The following SLC34A3 variants were observed in gnomAD, a reference collection of about 807,000 sequenced individuals.
The protein encoded by SLC34A3 is sodium-dependent phosphate transport protein 2C.
Under a neutral mutation model 43.9 loss-of-function variants are expected in SLC34A3, and 60 were observed. That is an observed-to-expected ratio of 1.37 (90% CI 1.11 to 1.70). The LOEUF (loss-of-function observed/expected upper bound fraction) is 1.70. SLC34A3 is among the 40% of genes most tolerant of loss of function. The probability of loss-of-function intolerance (pLI) is 0.00; values close to 1 mark genes in which losing one functional copy is unlikely to be tolerated. For missense variants in SLC34A3, 969 were observed against 823.8 expected, an observed-to-expected ratio of 1.18 and a Z score of -2.16; for synonymous variants, 451 against 386.2, an observed-to-expected ratio of 1.17 and a Z score of -1.97.
In SLC34A3 at chr9:137,234,108, GGCC is replaced by G; in HGVS notation, c.929_931del (p.Arg310del). On this transcript the variant is annotated inframe_deletion and splice_region_variant, in exon 10 of 13. Transcript: ENST00000673835. This position sits in a 1 kb window ranked among gnomAD's most constrained non-coding sequence, Gnocchi z 6.9. ...CTCACCTGCCCCTGCCCTGCCCCCA[GGCC>G]GCCACCTGTTTGCGGGCACGGAGCT... 1.5e-6 allele frequency: 2 copies of G among 1,311,678 alleles called. No individual in the cohort carries two copies. The highest frequency in any genetic ancestry group is 1.9e-5 in the African/African-American group (1 of 53,918). 81.3% of individuals were successfully genotyped at this position (1,311,678 alleles called of 1,614,324 possible). A position where few individuals can be genotyped will look rare whatever the true frequency, so the allele number is the denominator to read the frequency against.
chr9:137,231,162 G>A (rs1449617842), intron 1 of SLC34A3: 1 of 163,928 alleles, frequency 6.1e-6, no homozygotes, highest in Non-Finnish European at 1.3e-5. Flanking sequence ...GGGGTGACCA[G>A]GCCCAGGAGG....
rs121918234 is a variant in SLC34A3, at chr9:137,234,241, G to A, written c.1058G>A (p.Arg353His). ...CTGCTCAACTCTGTGCTGCGCGGCC[G>A]CGTGGCCCAGGTCGTGAGGACAGTC... ...VKLLNSVLRG[R>H]VAQVVRTVIN... The change falls in exon 10 of 13, where the codon CGC becomes CAC. Residue 353 changes from arginine (R) to histidine (H), a missense_variant. Coordinates refer to ENST00000673835, the MANE Select transcript of SLC34A3 (RefSeq NM_001177316.2). The surrounding 1 kb of genome is among the most constrained non-coding windows in gnomAD (Gnocchi z 6.9). 2.7e-5 allele frequency: 43 copies of A among 1,610,260 alleles called. No individual in the cohort carries two copies. The East Asian group carries it at 2.7e-4, about 10-fold the overall frequency.
At chr9:137,233,549 T>G in intron 7 of SLC34A3, 84 bp from the exon 8 acceptor site, 1 of 1,556,436 alleles carries the variant, frequency 6.4e-7, no homozygotes, top group Non-Finnish European at 8.9e-7. Context: ...TGGGCAGGGC[T>G]GGGCTGGACC....
At position 137,231,297 on chromosome 9, in the gene SLC34A3, C is replaced by T. The variant is rs71508902; in HGVS notation, c.-40+359C>T. On this transcript the variant is annotated intron_variant, in intron 1 of 12. Transcript: ENST00000673835. ...ACTGTTTAGTATCAAATGCCAAAGT[C>T]TAAGTCGGGACCATCCACAGTGTCC... is the stretch of plus-strand genomic sequence containing the variant. 8.5e-5 allele frequency among the ~76,000 whole-genome samples: 13 copies of T among 152,310 alleles called. No homozygotes were observed. The South Asian group carries it at 2.3e-3, about 27-fold the overall frequency.
In SLC34A3 at chr9:137,234,528, C is replaced by T; in HGVS notation, c.1206C>T (p.Leu402=). Reference sequence around the variant, plus strand: ...TCTTCACGGCGGCCGTCGTGCCCCTCATGGGTGAGCAGGCAGGACAGAGGC... The same window carrying T: ...TCTTCACGGCGGCCGTCGTGCCCCTTATGGGTGAGCAGGCAGGACAGAGGC... ...SSVFTAAVVP[L]MGVGVISLDR... Residue 402 remains leucine, a synonymous_variant, in exon 11 of 13, where the codon CTC becomes CTT. Transcript: ENST00000673835. This position sits in a 1 kb window ranked among gnomAD's most constrained non-coding sequence, Gnocchi z 6.9. 1 of 1,607,284 alleles carries T rather than the reference C, an allele frequency of 6.2e-7. No individual in the cohort carries two copies.
At position 137,231,707 on chromosome 9, in the gene SLC34A3, C is replaced by G. The variant is rs566626846; in HGVS notation, c.5C>G (p.Pro2Arg). The G allele has an allele frequency of 6.2e-6, 10 of 1,612,956 alleles. No individual in the cohort carries two copies. The highest frequency in any genetic ancestry group is 1.6e-4 in the Middle Eastern group (1 of 6,062). ...GTCTGTCCCTGCCCGAAATCCATGC[C>G]GAGTTCCCTTCCCGGCAGCCAGGTC... M[P>R]SSLPGSQVPH... Residue 2 changes from proline (P) to arginine (R), a missense_variant, in exon 2 of 13, where the codon CCG becomes CGG. Physicochemically the swap from Pro to Arg is moderately radical, Grantham distance 103. Coordinates refer to ENST00000673835, the MANE Select transcript of SLC34A3 (RefSeq NM_001177316.2).
Position 137,235,801 on chromosome 9 carries a change from A to G in SLC34A3, c.1336-151A>G, listed in dbSNP as rs1162644783. 8 of 725,956 alleles carry G rather than the reference A, an allele frequency of 1.1e-5. No individual in the cohort carries two copies. In the African/African-American group the frequency reaches 1.4e-4, roughly 13 times the overall value. 45.0% of individuals were successfully genotyped at this position (725,956 alleles called of 1,614,324 possible). ...GGGGAACATGTCCACATCTGGCCAC[A>G]GCCCGCCTCCCAGACGGCCATCTCA... On this transcript the variant is annotated intron_variant, in intron 12 of 12. Coordinates refer to ENST00000673835, the MANE Select transcript of SLC34A3 (RefSeq NM_001177316.2).
At chr9:137,232,380 G>T (rs948076736) in intron 3 of SLC34A3, among the ~76,000 whole-genome samples, 195 bp from the exon 4 acceptor site, 2 of 152,366 alleles carry the variant, frequency 1.3e-5, no homozygotes, top group African/African-American at 4.8e-5. Flanking sequence ...TCCTGCTCCT[G>T]CGAGGGAGGG....
intron 2 of SLC34A3, 71 bp downstream of exon 2, chr9:137,231,858 A>G: frequency 7.1e-7 from 1 of 1,403,252 alleles, no homozygotes; most frequent in East Asian, 2.3e-5. Context: ...GGGCAGAGAC[A>G]GGCCAGGTTT....
At position 137,234,096 on chromosome 9, in the gene SLC34A3, G is replaced by A; in HGVS notation, c.926-13G>A. The A allele has an allele frequency of 4.3e-6, 6 of 1,380,234 alleles. No individual in the cohort carries two copies. The highest frequency in any genetic ancestry group is 5.7e-6 in the Non-Finnish European group (6 of 1,055,064). 85.5% of individuals were successfully genotyped at this position (1,380,234 alleles called of 1,614,324 possible). A position where few individuals can be genotyped will look rare whatever the true frequency, so the allele number is the denominator to read the frequency against. On this transcript the variant is annotated splice_polypyrimidine_tract_variant and intron_variant, in intron 9 of 12. Transcript: ENST00000673835. The surrounding 1 kb of genome is among the most constrained non-coding windows in gnomAD (Gnocchi z 6.9). ...CCCAGGCTCCCCCTCACCTGCCCCTGCCCTGCCCCCAGGCCGCCACCTGTT... is the reference window on the plus strand; with the variant it reads ...CCCAGGCTCCCCCTCACCTGCCCCTACCCTGCCCCCAGGCCGCCACCTGTT...
chr9:137,233,678 A>G lies in SLC34A3; in HGVS notation c.802A>G (p.Asn268Asp), dbSNP rs748675203. The change falls in exon 8 of 13, where the codon AAC becomes GAC. Residue 268 changes from asparagine (N) to aspartate (D), a missense_variant. Physicochemically the swap from Asn to Asp is conservative, Grantham distance 23. Coordinates refer to ENST00000673835, the MANE Select transcript of SLC34A3 (RefSeq NM_001177316.2). Reference sequence around the variant, plus strand: ...GAGCAGTGCCACAGGCAACGCCACTAACAGCAGTCTCATTAAGCACTGGTG... The same window carrying G: ...GAGCAGTGCCACAGGCAACGCCACTGACAGCAGTCTCATTAAGCACTGGTG... Reference protein sequence around the residue: ...IMSSATGNATNSSLIKHWCGT... With the variant: ...IMSSATGNATDSSLIKHWCGT... The G allele has an allele frequency of 1.2e-5, 19 of 1,612,746 alleles. 1 individual carries two copies. The South Asian group carries it at 2.1e-4, about 18-fold the overall frequency.
rs139408872 is a variant in SLC34A3 at position 137,234,613 on chromosome 9, G to A, written c.1217G>A (p.Gly406Glu). Residue 406 changes from glycine to glutamate, a missense_variant, in exon 12 of 13, where the codon GGG becomes GAG. By Grantham distance (98) the Gly-to-Glu change is moderately conservative (BLOSUM62 -2). Transcript: ENST00000673835. The surrounding 1 kb of genome is among the most constrained non-coding windows in gnomAD (Gnocchi z 6.9). ...TAAVVPLMGV[G>E]VISLDRAYPL... The stretch of plus-strand genomic sequence containing the variant: ...TGACTCCCAGTTCCCCCAGGGGTCG[G>A]GGTGATCAGTCTGGACCGGGCGTAC... The A allele has an allele frequency of 2.5e-6, 4 of 1,612,280 alleles. No individual in the cohort carries two copies. In the African/African-American group the frequency reaches 4.0e-5, roughly 16 times the overall value.
chr9:137,232,807 A>G lies in SLC34A3; in HGVS notation c.328A>G (p.Lys110Glu), dbSNP rs570711066. ...LGSKVAGDIF[K>E]DNVVLSNPVA... Reference sequence around the variant, plus strand: ...AGGCAAAGTGGCCGGAGACATCTTCAAGGACAACGTGGTGCTGTCCAACCC... The same window carrying G: ...AGGCAAAGTGGCCGGAGACATCTTCGAGGACAACGTGGTGCTGTCCAACCC... The change falls in exon 5 of 13, where the codon AAG becomes GAG. Residue 110 changes from lysine (K) to glutamate (E), a missense_variant. By Grantham distance (56) the Lys-to-Glu change is moderately conservative. Transcript: ENST00000673835. The G allele has an allele frequency of 1.2e-5, 20 of 1,613,160 alleles. No individual in the cohort carries two copies. The East Asian group carries it at 1.6e-4, about 13-fold the overall frequency.
In SLC34A3 at chr9:137,235,966, C is replaced by T; in HGVS notation, c.1350C>T (p.His450=). Residue 450 remains histidine, a synonymous_variant, in exon 13 of 13, where the codon CAC becomes CAT. Coordinates refer to ENST00000673835, the MANE Select transcript of SLC34A3 (RefSeq NM_001177316.2). The part of the protein sequence containing the change: ...MLSALQVALI[H]FFFNLAGILL... ...CTCGCCCCCAGGTCGCCCTCATCCA[C>T]TTCTTCTTCAACCTGGCCGGCATCC... 1.2e-6 allele frequency: 2 copies of T among 1,612,068 alleles called. No homozygotes were observed. The highest frequency in any genetic ancestry group is 1.7e-6 in the Non-Finnish European group (2 of 1,179,772).
Position 137,233,336 on chromosome 9 carries a change from A to G in SLC34A3, c.688A>G (p.Thr230Ala), listed in dbSNP as rs200507464. 4.4e-6 allele frequency: 7 copies of G among 1,604,582 alleles called. No individual in the cohort carries two copies. Among genetic ancestry groups the G allele is most frequent in the East Asian group, 2.3e-5 (1 of 44,438 alleles). Residue 230 changes from threonine to alanine, a missense_variant, in exon 7 of 13, where the codon ACA becomes GCA. Coordinates refer to ENST00000673835, the MANE Select transcript of SLC34A3 (RefSeq NM_001177316.2). Reference sequence around the variant, plus strand: ...GCTAGCCCTGGGTGCCGCCAGCCTGACACCCAGGGCGCAGGCGCCCGACAT... The same window carrying G: ...GCTAGCCCTGGGTGCCGCCAGCCTGGCACCCAGGGCGCAGGCGCCCGACAT... The part of the protein sequence containing the change: ...SELALGAASL[T>A]PRAQAPDILK...
At position 137,233,078 on chromosome 9, in the gene SLC34A3, T is replaced by C. The variant is rs1415642410; in HGVS notation, c.523T>C (p.Ser175Pro). 4.4e-6 allele frequency: 7 copies of C among 1,608,618 alleles called. No homozygotes were observed. Among genetic ancestry groups the C allele is most frequent in the Non-Finnish European group, 5.9e-6 (7 of 1,178,258 alleles). The change falls in exon 6 of 13, where the codon TCA (serine) becomes CCA (proline). Residue 175 changes from serine (S) to proline (P), a missense_variant. Physicochemically the swap from Ser to Pro is moderately conservative, Grantham distance 74. Transcript: ENST00000673835. Reference sequence around the variant, plus strand: ...CACATCCATCACCAGCACCCTGGTCTCAATGGCGCAGTCAGGGGACCGGGA... The same window carrying C: ...CACATCCATCACCAGCACCCTGGTCCCAATGGCGCAGTCAGGGGACCGGGA... ...VGTSITSTLV[S>P]MAQSGDRDEF...
At position 137,234,077 on chromosome 9, in the gene SLC34A3, C is replaced by T. The variant is rs1478735800; in HGVS notation, c.926-32C>T. The T allele has an allele frequency of 1.4e-6, 2 of 1,477,312 alleles. No individual in the cohort carries two copies. Among genetic ancestry groups the T allele is most frequent in the East Asian group, 2.5e-5 (1 of 40,610 alleles). 91.5% of individuals were successfully genotyped at this position (1,477,312 alleles called of 1,614,324 possible). ...GGCCCACCCCGGCCCACCCCCCAGG[C>T]TCCCCCTCACCTGCCCCTGCCCTGC... is the stretch of plus-strand genomic sequence containing the variant. On this transcript the variant is annotated intron_variant, in intron 9 of 12. Coordinates refer to ENST00000673835, the MANE Select transcript of SLC34A3 (RefSeq NM_001177316.2). This position sits in a 1 kb window ranked among gnomAD's most constrained non-coding sequence, Gnocchi z 6.9.
intron 3 of SLC34A3, 68 bp downstream of exon 3, chr9:137,232,229 A>G (rs1172786711): frequency 1.4e-6 from 2 of 1,474,654 alleles, no homozygotes; most frequent in Non-Finnish European, 1.9e-6. Flanking sequence ...GGGGAGACAG[A>G]GCAGGGTGGG....
chr9:137,232,234 G>GCCCCACCCTGCTCT, intron 3 of SLC34A3, 73 bp downstream of exon 3: 1 of 1,428,966 alleles, frequency 7.0e-7, no homozygotes, highest in Non-Finnish European at 9.8e-7. Flanking sequence ...GACAGAGCAG[G>GCCCCACCCTGCTCT]GTGGGGCCTG....
Sources: gnomAD v4.1 joint callset for allele counts (sites outside exome capture counted in the v4.1 genomes callset) on GRCh38, gnomAD v4.1.1 for gene constraint, Gnocchi (gnomAD v3.1) non-coding constraint, MANE v1.5 for transcripts, NCBI Gene and HGNC (gene_info 2026-07-23, HGNC 2026-07-21) for gene names.